IFI27: variants seen among roughly 807,000 people sequenced by gnomAD.
The protein encoded by IFI27 is interferon alpha inducible protein 27, also known as interferon alpha-inducible protein 27, mitochondrial.
In IFI27, 3 loss-of-function variants were observed where a neutral mutation model predicts 8.9. The observed-to-expected ratio is 0.34, with a 90% CI of 0.15 to 0.87. IFI27 has a LOEUF of 0.87. Among genes scored for constraint, IFI27 ranks in the 40% least tolerant of loss-of-function variants. IFI27 has a pLI of 0.51. For missense variants in IFI27, 152 were observed against 157.7 expected (o/e 0.96, Z 0.19); for synonymous variants, 66 against 67.3 (o/e 0.98, Z 0.09).
rs1422225436 is a variant in IFI27, at chr14:94,111,253, G to T, written c.-58-372G>T. The stretch of plus-strand genomic sequence containing the variant: ...GAGATTACATAAGAGCAGGCACCTC[G>T]CCTGCTGTATATGCCTTAAAAATGC... On this transcript the variant is annotated intron_variant, in intron 1 of 4. Coordinates refer to ENST00000621160, the Ensembl canonical transcript of IFI27. This position sits in a 1 kb window ranked among gnomAD's most constrained non-coding sequence, Gnocchi z 4.3. Among the ~76,000 whole-genome samples the T allele has an allele frequency of 6.6e-6, 1 of 152,150 alleles. No homozygotes were observed. The highest frequency in any genetic ancestry group is 1.5e-5 in the Non-Finnish European group (1 of 68,044).
upstream of IFI27, among the ~76,000 whole-genome samples, chr14:94,109,320 AGGGAGGGGAG>A (rs1166741734): frequency 1.9e-5 from 2 of 106,158 alleles, no homozygotes; most frequent in Non-Finnish European, 3.8e-5. Flanking sequence ...AAGAAAGGAA[AGGGAGGGGAG>A]GGGAGGGGAG....
At chr14:94,108,998 T>A (rs998077302), upstream of IFI27, among the ~76,000 whole-genome samples, 5 of 151,978 alleles carry the variant, frequency 3.3e-5, no homozygotes, top group Non-Finnish European at 7.4e-5. Flanking sequence ...TGAAAGAAAG[T>A]TTAATGGCTG....
chr14:94,116,420 TC>T lies in IFI27; in HGVS notation c.284-20del. 6.3e-7 allele frequency: 1 copy of T among 1,578,606 alleles called. No homozygotes were observed. Among genetic ancestry groups the T allele is most frequent in the Non-Finnish European group, 8.7e-7 (1 of 1,151,886 alleles). ...TCCCCGACAGGCATGTCCCACTCTG[TC>T]CACCCTCTGCTTCTTCCCAGGAGCA... On this transcript the variant is annotated intron_variant, in intron 4 of 4. Coordinates refer to ENST00000621160, the Ensembl canonical transcript of IFI27. The surrounding 1 kb of genome is among the most constrained non-coding windows in gnomAD (Gnocchi z 4.3).
At position 94,111,433 on chromosome 14, in the gene IFI27, C is replaced by T. The variant is rs1034708669; in HGVS notation, c.-58-192C>T. 1.3e-5 allele frequency among the ~76,000 whole-genome samples: 2 copies of T among 152,152 alleles called. No homozygotes were observed. Among genetic ancestry groups the T allele is most frequent in the Non-Finnish European group, 2.9e-5 (2 of 68,034 alleles). On this transcript the variant is annotated intron_variant, in intron 1 of 4. Transcript: ENST00000621160. This position sits in a 1 kb window ranked among gnomAD's most constrained non-coding sequence, Gnocchi z 4.3. ...AAAGTCCCTCAGGGCCCTGACCTAACACAGGTCCTTTGGTAGCCCCAACTC... is the reference window on the plus strand; with the variant it reads ...AAAGTCCCTCAGGGCCCTGACCTAATACAGGTCCTTTGGTAGCCCCAACTC...
At chr14:94,114,934 T>C (rs753100992) in intron 3 of IFI27, 54 bp downstream of exon 3, 1 of 1,548,642 alleles carries the variant, frequency 6.5e-7, no homozygotes, top group South Asian at 1.1e-5. Flanking sequence ...GGAGGTGGAC[T>C]TGGGGAGCAG....
At chr14:94,108,763 AAAGAG>A (rs1489156586), upstream of IFI27, among the ~76,000 whole-genome samples, 2 of 152,108 alleles carry the variant, frequency 1.3e-5, no homozygotes, top group African/African-American at 2.4e-5. Flanking sequence ...AAAAAAAAAA[AAAGAG>A]AGAGAGGGAG....
chr14:94,115,641 T>C (rs370533783), intron 3 of IFI27, 140 bp from the exon 4 acceptor site: 2 of 820,290 alleles, frequency 2.4e-6, no homozygotes. Flanking sequence ...GATTCGTGCC[T>C]ATTGGCCGTG....
At chr14:94,112,013 G>A (rs539898593) in intron 2 of IFI27, 56 of 590,708 alleles carry the variant, frequency 9.5e-5, no homozygotes, top group African/African-American at 6.3e-4. Context: ...CTCTGGGCCC[G>A]GGCCTCCTCC....
chr14:94,116,622 A>T lies in IFI27; in HGVS notation c.*95A>T, dbSNP rs1887428520. The T allele has an allele frequency of 1.2e-6, 1 of 853,510 alleles. No individual in the cohort carries two copies. Among genetic ancestry groups the T allele is most frequent in the Non-Finnish European group, 1.9e-6 (1 of 514,198 alleles). The allele number at this position is 853,510 out of a possible 1,614,324, so 52.9% of individuals were successfully genotyped here. On this transcript the variant is annotated 3_prime_UTR_variant, in exon 5 of 5. Coordinates refer to ENST00000621160, the Ensembl canonical transcript of IFI27. The surrounding 1 kb of genome is among the most constrained non-coding windows in gnomAD (Gnocchi z 4.3). ...GCGAGGAGCCAACTATCCCAAATAT[A>T]CCTGGGGTGAAATATACCAAATTCT...
chr14:94,108,626 C>T (rs951770622), upstream of IFI27, among the ~76,000 whole-genome samples: 33 of 152,094 alleles, frequency 2.2e-4, no homozygotes, highest in African/African-American at 7.2e-4. Flanking sequence ...ACTGCCTCCC[C>T]GGGGGCCCTT....
upstream of IFI27, among the ~76,000 whole-genome samples, chr14:94,108,896 G>A (rs148701794): frequency 2.0e-5 from 3 of 152,190 alleles, no homozygotes; most frequent in Admixed American, 6.5e-5. Flanking sequence ...AAAGGAAAAA[G>A]CTGGGGATTT....
chr14:94,112,008 G>T, intron 2 of IFI27: 1 of 593,674 alleles, frequency 1.7e-6, no homozygotes, highest in Non-Finnish European at 3.0e-6. Context: ...CTCCCCTCTG[G>T]GCCCGGGCCT....
intron 3 of IFI27, chr14:94,115,208 G>T (rs2139299849): frequency 1.6e-6 from 1 of 634,204 alleles, no homozygotes; most frequent in African/African-American, 1.8e-5. Flanking sequence ...CAGAGAAAAG[G>T]CTGGTAATGC....
At position 94,115,942 on chromosome 14, in the gene IFI27, G is replaced by C. The variant is rs200230812; in HGVS notation, c.283G>C (p.Gly95Arg). The change falls in exon 4 of 5, where the codon GGA (glycine) becomes CGA (arginine). Residue 95 changes from glycine (G) to arginine (R), a missense_variant and splice_region_variant. By Grantham distance (125) the Gly-to-Arg change is moderately radical (BLOSUM62 -2). Transcript: ENST00000621160. ...CCTTGTGGCTACTCTGCAGTCACTG[G>C]GTAAGTATCCTGGCGGGGCTTGCTG... 2.2e-4 allele frequency: 344 copies of C among 1,574,644 alleles called. 1 individual carries two copies. The highest frequency in any genetic ancestry group is 1.8e-4 in the Non-Finnish European group (211 of 1,159,810).
At chr14:94,113,567 AG>A (rs926453626) in intron 2 of IFI27, 4 of 152,218 alleles carry the variant, frequency 2.6e-5, no homozygotes, top group Admixed American at 2.0e-4. Flanking sequence ...AGGGTAGGGC[AG>A]GTTCTGAATG....
At chr14:94,115,999 A>G in intron 4 of IFI27, 57 bp downstream of exon 4, 1 of 1,487,964 alleles carries the variant, frequency 6.7e-7, no homozygotes, top group Non-Finnish European at 9.1e-7. Flanking sequence ...AGAGCCTCCA[A>G]GGACCCAGTC....
chr14:94,110,464 ACTT>A (rs1405437190), upstream of IFI27, among the ~76,000 whole-genome samples: 5 of 152,176 alleles, frequency 3.3e-5, no homozygotes, highest in Non-Finnish European at 7.3e-5. Flanking sequence ...CTTTGATCTT[ACTT>A]CTTGTGACTT....
rs946574064 is a variant in IFI27 at position 94,111,364 on chromosome 14, C to T, written c.-58-261C>T. On this transcript the variant is annotated intron_variant, in intron 1 of 4. Transcript: ENST00000621160. The surrounding 1 kb of genome is among the most constrained non-coding windows in gnomAD (Gnocchi z 4.3). The stretch of plus-strand genomic sequence containing the variant: ...GTCCCGGAAGTGTCTAAGACATTGG[C>T]GCTGGGACTTTCAGGAGAAAGAAAG... Among the ~76,000 whole-genome samples, 4 of 152,126 alleles carry T rather than the reference C, an allele frequency of 2.6e-5. No homozygotes were observed. Among genetic ancestry groups the T allele is most frequent in the Admixed American group, 2.0e-4 (3 of 15,278 alleles).
At chr14:94,114,134 C>T (rs1268593034) in intron 2 of IFI27, 1 of 152,306 alleles carries the variant, frequency 6.6e-6, no homozygotes, top group Non-Finnish European at 1.5e-5. Flanking sequence ...ATGGCATGGA[C>T]CTTGAAGAGT....
Sources: allele counts gnomAD v4.1 joint callset (sites outside exome capture counted in the v4.1 genomes callset), GRCh38; gene constraint gnomAD v4.1.1; non-coding constraint Gnocchi (gnomAD v3.1); transcripts MANE v1.5; gene names NCBI Gene and HGNC (gene_info 2026-07-23, HGNC 2026-07-21).